CMKLR1: variants seen among roughly 807,000 people sequenced by gnomAD.
The protein encoded by CMKLR1 is chemerin chemokine-like receptor 1.
Under a neutral mutation model 8.2 loss-of-function variants are expected in CMKLR1, and 6 were observed. That is an observed-to-expected ratio of 0.73 (90% CI 0.40 to 1.44). The LOEUF is 1.44. Ranked by LOEUF, CMKLR1 falls within the 40% of genes most tolerant of loss-of-function variation. CMKLR1 has a pLI of 0.02. For synonymous variants in CMKLR1, 178 were observed against 181.2 expected (o/e 0.98, Z 0.14); for missense variants, 429 against 478.0 (o/e 0.90, Z 0.96).
intron 2 of CMKLR1, among the ~76,000 whole-genome samples, chr12:108,313,330 C>G (rs1891633159): frequency 6.9e-6 from 1 of 145,534 alleles, no homozygotes; most frequent in Non-Finnish European, 1.5e-5. Flanking sequence ...ATTCTAGAAT[C>G]CTAAAAGTCA....
rs781055999 is a variant in CMKLR1 at position 108,289,477 on chromosome 12, G to T, written c.*2364C>A. Reference sequence around the variant, plus strand: ...CCAGACTCTAAGGAGGAAAACAGCCGGTTTGAATTGTGCTCCTGTTTATCA... The same window carrying T: ...CCAGACTCTAAGGAGGAAAACAGCCTGTTTGAATTGTGCTCCTGTTTATCA... On this transcript the variant is annotated 3_prime_UTR_variant, in exon 4 of 4. Transcript: ENST00000550402. The T allele has an allele frequency of 6.6e-6, 1 of 152,194 alleles. No homozygotes were observed. Among genetic ancestry groups the T allele is most frequent in the African/African-American group, 2.4e-5 (1 of 41,434 alleles). The allele number at this position is 152,194 out of a possible 1,614,324, so 9.4% of individuals were successfully genotyped here.
chr12:108,333,357 AG>A (rs1892150896), intron 1 of CMKLR1, among the ~76,000 whole-genome samples: 1 of 152,156 alleles, frequency 6.6e-6, no homozygotes, highest in South Asian at 2.1e-4. Context: ...AGTGAGGCCC[AG>A]GGCACTCTCC....
chr12:108,326,398 C>G (rs761835613), intron 2 of CMKLR1, among the ~76,000 whole-genome samples: 15 of 152,238 alleles, frequency 9.9e-5, no homozygotes, highest in Non-Finnish European at 1.5e-4. Context: ...AGCAAGCTAT[C>G]ATCAGTTGCA....
chr12:108,331,220 C>G (rs1892098548), intron 1 of CMKLR1, among the ~76,000 whole-genome samples: 1 of 152,192 alleles, frequency 6.6e-6, no homozygotes, highest in Non-Finnish European at 1.5e-5. Context: ...TCCTTCCATC[C>G]TAACTACTAC....
chr12:108,293,642 T>C lies in CMKLR1; in HGVS notation c.-51A>G. ...CCAATGTGAGTCCTCAGCCAATCAG[T>C]CCCTGTACACAGCTAGAAACACCTG... On this transcript the variant is annotated 5_prime_UTR_variant, in exon 3 of 4. Coordinates refer to ENST00000550402, the MANE Select transcript of CMKLR1 (RefSeq NM_001142343.2). 1.3e-6 allele frequency: 2 copies of C among 1,500,328 alleles called. No homozygotes were observed. The highest frequency in any genetic ancestry group is 1.2e-5 in the South Asian group (1 of 82,744). 92.9% of individuals were successfully genotyped at this position (1,500,328 alleles called of 1,614,324 possible).
intron 2 of CMKLR1, among the ~76,000 whole-genome samples, chr12:108,326,355 C>T (rs1891982654): frequency 6.6e-6 from 1 of 152,192 alleles, no homozygotes; most frequent in Non-Finnish European, 1.5e-5. Context: ...TCTCTGCTGG[C>T]TTAAGGCATC....
intron 1 of CMKLR1, among the ~76,000 whole-genome samples, chr12:108,331,066 T>C (rs1211090717): frequency 6.6e-6 from 1 of 152,154 alleles, no homozygotes; most frequent in African/African-American, 2.4e-5. Context: ...CTCCCTAGCA[T>C]GGGGCAGAGA....
At chr12:108,302,721 A>T (rs1284062399) in intron 2 of CMKLR1, among the ~76,000 whole-genome samples, 1 of 152,224 alleles carries the variant, frequency 6.6e-6, no homozygotes, top group East Asian at 1.9e-4. Flanking sequence ...GTGCTGTGGT[A>T]CATTGAGAAC....
rs1365549256 is a variant in CMKLR1 at position 108,290,149 on chromosome 12, C to T, written c.*1692G>A. 6.6e-6 allele frequency: 1 copy of T among 152,200 alleles called. No homozygotes were observed. Among genetic ancestry groups the T allele is most frequent in the African/African-American group, 2.4e-5 (1 of 41,450 alleles). 9.4% of individuals were successfully genotyped at this position (152,200 alleles called of 1,614,324 possible). A position where few individuals can be genotyped will look rare whatever the true frequency, so the allele number is the denominator to read the frequency against. ...TGCCATGTTGCATCATTTTTGAAAACTATTTGCAAAGTTTCTTAAAGGCCA... is the reference window on the plus strand; with the variant it reads ...TGCCATGTTGCATCATTTTTGAAAATTATTTGCAAAGTTTCTTAAAGGCCA... On this transcript the variant is annotated 3_prime_UTR_variant, in exon 4 of 4. Coordinates refer to ENST00000550402, the MANE Select transcript of CMKLR1 (RefSeq NM_001142343.2).
At chr12:108,333,238 C>G (rs1471601925) in intron 1 of CMKLR1, among the ~76,000 whole-genome samples, 1 of 68,880 alleles carries the variant, frequency 1.5e-5, no homozygotes, top group African/African-American at 4.5e-5. Context: ...GTCCTATACC[C>G]CAAGAAAGCA....
chr12:108,307,048 G>C (rs1200819674), intron 2 of CMKLR1, among the ~76,000 whole-genome samples: 3 of 152,152 alleles, frequency 2.0e-5, no homozygotes, highest in Non-Finnish European at 2.9e-5. Context: ...CCTGGAGCTG[G>C]CCTGTAAACA....
intron 2 of CMKLR1, among the ~76,000 whole-genome samples, chr12:108,310,163 C>CTGTGTGTG (rs35140046): frequency 1.2e-3 from 167 of 142,504 alleles, no homozygotes; most frequent in Middle Eastern, 3.5e-3. Flanking sequence ...TGGTTAGGGG[C>CTGTGTGTG]TGTGTGTGTG....
At chr12:108,335,361 C>A (rs905558688) in intron 1 of CMKLR1, among the ~76,000 whole-genome samples, 5 of 152,120 alleles carry the variant, frequency 3.3e-5, no homozygotes, top group African/African-American at 1.2e-4. Flanking sequence ...GCAAATATGC[C>A]ACCTCCATAC....
intron 2 of CMKLR1, among the ~76,000 whole-genome samples, chr12:108,320,369 G>T (rs1294293368): frequency 2.0e-5 from 3 of 152,024 alleles, no homozygotes; most frequent in Admixed American, 6.5e-5. Flanking sequence ...GCCCTGGGAG[G>T]TATGCGCCAG....
At position 108,306,318 on chromosome 12, in the gene CMKLR1, C is replaced by T. The variant is rs566123206; in HGVS notation, c.-73-12654G>A. On this transcript the variant is annotated intron_variant, in intron 2 of 3. Coordinates refer to ENST00000550402, the MANE Select transcript of CMKLR1 (RefSeq NM_001142343.2). ...AGTGAGTTCTCGCCTTCACTGGACC[C>T]GGAGCGTGGTAGGGATCCCTTGTAC... Among the ~76,000 whole-genome samples the T allele has an allele frequency of 2.0e-5, 3 of 152,272 alleles. No individual in the cohort carries two copies. The East Asian group carries it at 5.8e-4, about 29-fold the overall frequency.
At chr12:108,302,011 C>A (rs113917151) in intron 2 of CMKLR1, among the ~76,000 whole-genome samples, 439 of 152,238 alleles carry the variant, frequency 2.9e-3, no homozygotes, top group African/African-American at 0.01. Flanking sequence ...AATCTCCAAA[C>A]CCAAAAAGGA....
chr12:108,333,254 G>A (rs995361116), intron 1 of CMKLR1, among the ~76,000 whole-genome samples: 6 of 149,464 alleles, frequency 4.0e-5, no homozygotes, highest in South Asian at 4.5e-4. Context: ...AAGCAGAACC[G>A]ATTCTGACAT....
chr12:108,293,888 G>A (rs1891059088), intron 2 of CMKLR1, among the ~76,000 whole-genome samples: 1 of 152,142 alleles, frequency 6.6e-6, no homozygotes, highest in Non-Finnish European at 1.5e-5. Flanking sequence ...TCAAGTGCTG[G>A]ACTCTTCATT....
chr12:108,321,057 A>C (rs1891850311), intron 2 of CMKLR1, among the ~76,000 whole-genome samples: 1 of 152,188 alleles, frequency 6.6e-6, no homozygotes, highest in Non-Finnish European at 1.5e-5. Flanking sequence ...GCAGAGCAGG[A>C]GCAGCCTCTC....
Sources: gnomAD v4.1 joint callset for allele counts (sites outside exome capture counted in the v4.1 genomes callset) on GRCh38, gnomAD v4.1.1 for gene constraint, MANE v1.5 for transcripts, NCBI Gene and HGNC (gene_info 2026-07-23, HGNC 2026-07-21) for gene names.